The following ZBTB44 variants were observed in gnomAD, a reference collection of about 807,000 sequenced individuals.
ZBTB44 encodes the protein zinc finger and BTB domain containing 44, also known as zinc finger and BTB domain-containing protein 44.
Under a neutral mutation model 54.0 loss-of-function variants are expected in ZBTB44, and 15 were observed. The ratio of observed to expected loss-of-function variants is 0.28; its 90% confidence interval spans 0.19 to 0.43. ZBTB44 has a LOEUF of 0.43. ZBTB44 is among the 20% of genes least tolerant of loss of function. The pLI, the probability that ZBTB44 is intolerant of heterozygous loss-of-function variation, is 1.00. For missense variants in ZBTB44, 487 were observed against 707.1 expected (o/e 0.69, Z 3.53); for synonymous variants, 230 against 250.1 (o/e 0.92, Z 0.76).
chr11:130,301,123 G>A (rs1339548262), intron 1 of ZBTB44, among the ~76,000 whole-genome samples: 1 of 152,136 alleles, frequency 6.6e-6, no homozygotes, highest in East Asian at 1.9e-4. Context: ...TAGGTAGAAG[G>A]AAATGGGATT....
At chr11:130,273,310 T>TA (rs1939819230) in intron 1 of ZBTB44, among the ~76,000 whole-genome samples, 2 of 147,426 alleles carry the variant, frequency 1.4e-5, no homozygotes. Context: ...TTTCTTAATT[T>TA]TTTTTTTTTT....
rs369660715 is a variant in ZBTB44 at position 130,288,805 on chromosome 11, G to A, written c.-57+25570C>T. Among the ~76,000 whole-genome samples the A allele has an allele frequency of 2.8e-4, 42 of 151,942 alleles. No homozygotes were observed. In the East Asian group the frequency reaches 4.1e-3, roughly 15 times the overall value. On this transcript the variant is annotated intron_variant, in intron 1 of 7. Transcript: ENST00000357899. Reference sequence around the variant, plus strand: ...CCAGCTACTTGGGAGGCAGAGGCACGAGAATCGCTTGAACCCGGGAGGCGG... The same window carrying A: ...CCAGCTACTTGGGAGGCAGAGGCACAAGAATCGCTTGAACCCGGGAGGCGG...
Position 130,228,128 on chromosome 11 carries a change from G to A in ZBTB44, c.*3636C>T, listed in dbSNP as rs1311526154. On this transcript the variant is annotated 3_prime_UTR_variant, in exon 8 of 8. Transcript: ENST00000357899. ...CACAAGGCTGCCCTACAAAGAGGCA[G>A]GCAATCTCTACCTGATGCAACGGGA... is the stretch of plus-strand genomic sequence containing the variant. 1 of 152,186 alleles carries A rather than the reference G, an allele frequency of 6.6e-6. No individual in the cohort carries two copies. The highest frequency in any genetic ancestry group is 1.9e-4 in the East Asian group (1 of 5,198). The allele number at this position is 152,186 out of a possible 1,614,324, so 9.4% of individuals were successfully genotyped here. A position where few individuals can be genotyped will look rare whatever the true frequency, so the allele number is the denominator to read the frequency against.
At chr11:130,248,650 C>T (rs1056948181) in intron 2 of ZBTB44, among the ~76,000 whole-genome samples, 2 of 151,902 alleles carry the variant, frequency 1.3e-5, no homozygotes, top group East Asian at 3.9e-4. Flanking sequence ...CAAAAAACCA[C>T]AAAAACAAAA....
At chr11:130,240,040 C>T in intron 2 of ZBTB44, 144 bp from the exon 3 acceptor site, 1 of 370,980 alleles carries the variant, frequency 2.7e-6, no homozygotes, top group Non-Finnish European at 4.8e-6. Flanking sequence ...TAGTGTTCTA[C>T]ATTTTTTTTT....
At chr11:130,306,762 G>A (rs190716510) in intron 1 of ZBTB44, among the ~76,000 whole-genome samples, 91 of 152,246 alleles carry the variant, frequency 6.0e-4, no homozygotes, top group African/African-American at 2.1e-3. Context: ...GGAGTTGTAA[G>A]CCATTATTCT....
chr11:130,281,595 G>T (rs1328369179), intron 1 of ZBTB44, among the ~76,000 whole-genome samples: 1 of 150,554 alleles, frequency 6.6e-6, no homozygotes, highest in Non-Finnish European at 1.5e-5. Flanking sequence ...TGTTGTTGTT[G>T]TTTTTTGGGG....
Position 130,271,660 on chromosome 11 carries a change from C to T in ZBTB44, c.-56-9731G>A, listed in dbSNP as rs139296469. Among the ~76,000 whole-genome samples the T allele has an allele frequency of 1.8e-4, 27 of 152,298 alleles. No homozygotes were observed. In the East Asian group the frequency reaches 5.0e-3, roughly 28 times the overall value. Reference sequence around the variant, plus strand: ...GTATAATGTTCTACCATGTATCATGCCTCATTTACATTTATTGCTGAAAAA... The same window carrying T: ...GTATAATGTTCTACCATGTATCATGTCTCATTTACATTTATTGCTGAAAAA... On this transcript the variant is annotated intron_variant, in intron 1 of 7. Coordinates refer to ENST00000357899, the MANE Select transcript of ZBTB44 (RefSeq NM_001301098.2).
chr11:130,269,173 T>C (rs1939489904), intron 1 of ZBTB44, among the ~76,000 whole-genome samples: 3 of 151,712 alleles, frequency 2.0e-5, no homozygotes, highest in Admixed American at 6.6e-5. Context: ...CCTGTAATCC[T>C]AGCTAGTCGG....
At chr11:130,256,157 C>A (rs1013615435) in intron 2 of ZBTB44, among the ~76,000 whole-genome samples, 6 of 152,110 alleles carry the variant, frequency 3.9e-5, no homozygotes, top group African/African-American at 1.4e-4. Context: ...AAATACCAGG[C>A]CAATATACCT....
chr11:130,265,750 C>A (rs111283047), intron 1 of ZBTB44, among the ~76,000 whole-genome samples: 1,971 of 152,224 alleles, frequency 0.013, 47 homozygotes, highest in African/African-American at 0.045. Context: ...AAATCAAAGC[C>A]TAATCCAGCG....
intron 1 of ZBTB44, among the ~76,000 whole-genome samples, chr11:130,264,745 T>C (rs901917160): frequency 6.6e-6 from 1 of 152,202 alleles, no homozygotes; most frequent in African/African-American, 2.4e-5. Flanking sequence ...TACAAACTTA[T>C]ATGGACAAAT....
Position 130,227,744 on chromosome 11 carries a change from AAAAC to A in ZBTB44, c.*4016_*4019del, listed in dbSNP as rs1407991840. On this transcript the variant is annotated 3_prime_UTR_variant, in exon 8 of 8. Coordinates refer to ENST00000357899, the MANE Select transcript of ZBTB44 (RefSeq NM_001301098.2). ...GTAGCAGCAAATATGACATTACAGA[AAAAC>A]AAAATTTTATTTAAAAAATTGTTAC... is the stretch of plus-strand genomic sequence containing the variant. The A allele has an allele frequency of 4.6e-5, 7 of 152,222 alleles. No individual in the cohort carries two copies. The highest frequency in any genetic ancestry group is 2.1e-4 in the South Asian group (1 of 4,828). 9.4% of individuals were successfully genotyped at this position (152,222 alleles called of 1,614,324 possible).
intron 1 of ZBTB44, among the ~76,000 whole-genome samples, chr11:130,292,084 T>C (rs1941331411): frequency 4.6e-5 from 7 of 152,222 alleles, no homozygotes; most frequent in Admixed American, 4.6e-4. Flanking sequence ...ATCCATGCTG[T>C]TGAGCGTAAG....
At chr11:130,313,107 C>T (rs1942720617) in intron 1 of ZBTB44, among the ~76,000 whole-genome samples, 1 of 152,038 alleles carries the variant, frequency 6.6e-6, no homozygotes, top group Non-Finnish European at 1.5e-5. Context: ...AATTGTACTT[C>T]TATTGAGAAG....
chr11:130,288,630 G>A (rs1388984428), intron 1 of ZBTB44, among the ~76,000 whole-genome samples: 1 of 151,994 alleles, frequency 6.6e-6, no homozygotes, highest in Admixed American at 6.5e-5. Context: ...TGGTGCGGTG[G>A]CTCATGCCTG....
At position 130,263,056 on chromosome 11, in the gene ZBTB44, G is replaced by A. The variant is rs145904350; in HGVS notation, c.-56-1127C>T. Reference sequence around the variant, plus strand: ...ACCCTTGGTGACAGAGTAAGACCCCGTCTAAAAAAATATAAGTCACAGACT... The same window carrying A: ...ACCCTTGGTGACAGAGTAAGACCCCATCTAAAAAAATATAAGTCACAGACT... On this transcript the variant is annotated intron_variant, in intron 1 of 7. Transcript: ENST00000357899. Among the ~76,000 whole-genome samples the A allele has an allele frequency of 5.4e-3, 825 of 152,254 alleles. 7 individuals are homozygous for A. Among genetic ancestry groups the A allele is most frequent in the African/African-American group, 0.019 (769 of 41,546 alleles).
chr11:130,304,554 T>C (rs1337474772), intron 1 of ZBTB44, among the ~76,000 whole-genome samples: 2 of 152,176 alleles, frequency 1.3e-5, no homozygotes, highest in Admixed American at 1.3e-4. Flanking sequence ...GGATACAGCA[T>C]GTTACTGGTT....
rs1938890588 is a variant in ZBTB44, at chr11:130,261,941, A to AT, written c.-56-13dup. ...AAATCAGAAATGTCCTAAAAAATAC[A>AT]TAAAATAAAGCATTAATTGATATTT... On this transcript the variant is annotated splice_polypyrimidine_tract_variant and intron_variant, in intron 1 of 7. Coordinates refer to ENST00000357899, the MANE Select transcript of ZBTB44 (RefSeq NM_001301098.2). The surrounding 1 kb of genome is among the most constrained non-coding windows in gnomAD (Gnocchi z 4.8). The AT allele has an allele frequency of 6.9e-7, 1 of 1,446,364 alleles. No individual in the cohort carries two copies. The highest frequency in any genetic ancestry group is 9.1e-7 in the Non-Finnish European group (1 of 1,093,050). 89.6% of individuals were successfully genotyped at this position (1,446,364 alleles called of 1,614,324 possible). A position where few individuals can be genotyped will look rare whatever the true frequency, so the allele number is the denominator to read the frequency against.
Sources: gnomAD v4.1 joint callset for allele counts (sites outside exome capture counted in the v4.1 genomes callset) on GRCh38, gnomAD v4.1.1 for gene constraint, Gnocchi (gnomAD v3.1) non-coding constraint, MANE v1.5 for transcripts, NCBI Gene and HGNC (gene_info 2026-07-23, HGNC 2026-07-21) for gene names.